Variants in SKAP2 observed in about 807,000 individuals in gnomAD.
SKAP2 encodes the protein src kinase associated phosphoprotein 2, also known as src kinase-associated phosphoprotein 2.
A neutral mutation model predicts 54.9 loss-of-function variants in SKAP2; 28 were observed. The ratio of observed to expected loss-of-function variants is 0.51; its 90% CI spans 0.38 to 0.70. The LOEUF (loss-of-function observed/expected upper bound fraction) is 0.70, where lower values mean the gene tolerates loss of function less well. Ranked by LOEUF, SKAP2 falls within the 30% of genes least tolerant of loss-of-function variation. The pLI is 0.00. For missense variants in SKAP2, 356 were observed against 424.1 expected, an observed-to-expected ratio of 0.84 and a Z score of 1.41; for synonymous variants, 137 against 134.3, an observed-to-expected ratio of 1.02 and a Z score of -0.14.
chr7:26,751,607 A>T (rs1023269822), intron 4 of SKAP2, among the ~76,000 whole-genome samples: 2 of 152,144 alleles, frequency 1.3e-5, no homozygotes, highest in African/African-American at 4.8e-5. Flanking sequence ...TATTATAAGC[A>T]TCTTCCTAAA....
At chr7:26,813,191 T>C (rs968636113) in intron 4 of SKAP2, among the ~76,000 whole-genome samples, 2 of 152,192 alleles carry the variant, frequency 1.3e-5, no homozygotes, top group Non-Finnish European at 2.9e-5. Context: ...AATATTGATA[T>C]AGGTACATAC....
chr7:26,684,294 A>G (rs1219447557), intron 11 of SKAP2, among the ~76,000 whole-genome samples: 1 of 152,214 alleles, frequency 6.6e-6, no homozygotes. Context: ...AATTGCCGGA[A>G]CACCCAACAT....
chr7:26,726,148 T>A (rs1241923903), intron 7 of SKAP2, among the ~76,000 whole-genome samples, 162 bp from the exon 8 acceptor site: 1 of 152,118 alleles, frequency 6.6e-6, no homozygotes, highest in African/African-American at 2.4e-5. Flanking sequence ...TTTGACAAAT[T>A]TATGCAATTG....
At chr7:26,793,735 A>T (rs948133876) in intron 4 of SKAP2, among the ~76,000 whole-genome samples, 1 of 152,206 alleles carries the variant, frequency 6.6e-6, no homozygotes, top group Non-Finnish European at 1.5e-5. Context: ...CTCTGAAACC[A>T]CTTTAAACTC....
chr7:26,742,279 A>G (rs1782471094), intron 4 of SKAP2: 1 of 152,188 alleles, frequency 6.6e-6, no homozygotes, highest in African/African-American at 2.4e-5. Flanking sequence ...TGCTCTTTAC[A>G]TAAGGAATGG....
chr7:26,746,068 C>A (rs948908073), intron 4 of SKAP2, among the ~76,000 whole-genome samples: 11 of 152,108 alleles, frequency 7.2e-5, no homozygotes, highest in African/African-American at 2.4e-4. Flanking sequence ...AATCCCAATG[C>A]ACTGTAATTT....
At chr7:26,723,401 T>C (rs906772115) in intron 9 of SKAP2, among the ~76,000 whole-genome samples, 1 of 152,066 alleles carries the variant, frequency 6.6e-6, no homozygotes, top group African/African-American at 2.4e-5. Context: ...GCAGGCTCCA[T>C]CAAGCTCGAT....
At position 26,791,240 on chromosome 7, in the gene SKAP2, T is replaced by C. The variant is rs1295078707; in HGVS notation, c.308-51276A>G. Among the ~76,000 whole-genome samples, 3 of 152,164 alleles carry C rather than the reference T, an allele frequency of 2.0e-5. No individual in the cohort carries two copies. The East Asian group carries it at 5.8e-4, about 29-fold the overall frequency. ...AAAGTGATTATTAGCCTGTACCTAG[T>C]TCAATATAAAAATTTTCTTTTTTTC... On this transcript the variant is annotated intron_variant, in intron 4 of 12. Coordinates refer to ENST00000345317, the MANE Select transcript of SKAP2 (RefSeq NM_003930.5).
At chr7:26,701,865 T>C (rs947107405) in intron 9 of SKAP2, among the ~76,000 whole-genome samples, 1 of 152,106 alleles carries the variant, frequency 6.6e-6, no homozygotes, top group East Asian at 1.9e-4. Context: ...AAAATTCAAA[T>C]GGCATTTAAA....
intron 4 of SKAP2, among the ~76,000 whole-genome samples, chr7:26,764,169 C>T (rs534532030): frequency 6.6e-6 from 1 of 152,162 alleles, no homozygotes; most frequent in South Asian, 2.1e-4. Flanking sequence ...AGTCTGCAAA[C>T]GTGACTTGAT....
At chr7:26,795,594 G>C (rs1783758657) in intron 4 of SKAP2, among the ~76,000 whole-genome samples, 1 of 152,050 alleles carries the variant, frequency 6.6e-6, no homozygotes, top group Non-Finnish European at 1.5e-5. Context: ...ATCCATTTTG[G>C]AAAAATATGA....
At chr7:26,674,791 C>G in intron 11 of SKAP2, among the ~76,000 whole-genome samples, 1 of 152,066 alleles carries the variant, frequency 6.6e-6, no homozygotes, top group East Asian at 1.9e-4. Flanking sequence ...GCAAGAGAGA[C>G]AAAAACAAGG....
chr7:26,859,560 CAG>C (rs1177221913), intron 1 of SKAP2, among the ~76,000 whole-genome samples: 1 of 152,096 alleles, frequency 6.6e-6, no homozygotes, highest in Non-Finnish European at 1.5e-5. Flanking sequence ...TAAAAAATAC[CAG>C]AGTCTTACAA....
At chr7:26,788,972 A>G (rs1231792405) in intron 4 of SKAP2, among the ~76,000 whole-genome samples, 1 of 152,216 alleles carries the variant, frequency 6.6e-6, no homozygotes, top group African/African-American at 2.4e-5. Flanking sequence ...ATGTAGAAAC[A>G]GTATAATACT....
chr7:26,788,743 AT>A (rs1426070103), intron 4 of SKAP2, among the ~76,000 whole-genome samples: 3 of 152,008 alleles, frequency 2.0e-5, no homozygotes, highest in African/African-American at 7.2e-5. Flanking sequence ...ATTTCTTGTA[AT>A]TTTTTCCAAA....
chr7:26,824,684 T>C (rs557355248), intron 4 of SKAP2, among the ~76,000 whole-genome samples: 4 of 152,332 alleles, frequency 2.6e-5, no homozygotes, highest in African/African-American at 9.6e-5. Context: ...TTTGTGGGAC[T>C]ATGGTCTGTG....
intron 6 of SKAP2, among the ~76,000 whole-genome samples, chr7:26,728,899 T>G (rs1787765457): frequency 6.6e-6 from 1 of 152,146 alleles, no homozygotes; most frequent in African/African-American, 2.4e-5. Flanking sequence ...CAGGTCCATC[T>G]GACCTAAAAC....
chr7:26,837,160 G>A (rs566124323), intron 4 of SKAP2, among the ~76,000 whole-genome samples: 1 of 152,096 alleles, frequency 6.6e-6, no homozygotes, highest in Admixed American at 6.5e-5. Context: ...GCAGGGAGGG[G>A]AACATCACAC....
At chr7:26,765,258 T>G (rs10263118) in intron 4 of SKAP2, among the ~76,000 whole-genome samples, 70,666 of 151,970 alleles carry the variant, frequency 0.47, 17,349 homozygotes, top group African/African-American at 0.6. Flanking sequence ...TCATATGTTT[T>G]TTGGCCACAT....
Sources: allele counts gnomAD v4.1 joint callset (sites outside exome capture counted in the v4.1 genomes callset), GRCh38; gene constraint gnomAD v4.1.1; transcripts MANE v1.5; gene names NCBI Gene and HGNC (gene_info 2026-07-23, HGNC 2026-07-21).